The following FKBP2 variants were observed in gnomAD, a reference collection of about 807,000 sequenced individuals.
FKBP2 encodes FKBP prolyl isomerase 2.
Under a neutral mutation model 19.4 loss-of-function variants are expected in FKBP2, and 15 were observed. The observed-to-expected ratio is 0.77, with a 90% confidence interval of 0.52 to 1.19. The LOEUF is 1.19. Ranked by LOEUF, FKBP2 falls within the 50% of genes most tolerant of loss-of-function variation. The pLI is 0.00. For synonymous variants in FKBP2, 76 were observed against 74.8 expected (o/e 1.02, Z -0.08); for missense variants, 170 against 179.0 (o/e 0.95, Z 0.29).
chr11:64,243,201 G>A lies in FKBP2; in HGVS notation c.174G>A (p.Gly58=). 1 of 1,613,630 alleles carries A rather than the reference G, an allele frequency of 6.2e-7. No homozygotes were observed. The highest frequency in any genetic ancestry group is 8.5e-7 in the Non-Finnish European group (1 of 1,179,928). ...KGDVLHMHYT[G]KLEDGTEFDS... ...CTGGCCTTCTCATGGTTCCACAGGG[G>A]AAGCTGGAAGATGGGACAGAGTTTG... The change falls in exon 3 of 6, where the codon GGG becomes GGA. Residue 58 remains glycine, a splice_region_variant and synonymous_variant. Coordinates refer to ENST00000309366, the MANE Select transcript of FKBP2 (RefSeq NM_004470.4).
chr11:64,243,268 G>C lies in FKBP2; in HGVS notation c.241G>C (p.Gly81Arg). The C allele has an allele frequency of 6.2e-7, 1 of 1,612,082 alleles. No homozygotes were observed. Among genetic ancestry groups the C allele is most frequent in the Non-Finnish European group, 8.5e-7 (1 of 1,178,968 alleles). Residue 81 changes from glycine to arginine, a missense_variant, in exon 3 of 6, where the codon GGC becomes CGC. Transcript: ENST00000309366. ...PQNQPFVFSL[G>R]TGQVIKGWDQ... ...GAACCAGCCCTTTGTCTTCTCCCTT[G>C]GCACAGGCCAGGTCATCAAGGGCTG...
rs755478218 is a variant in FKBP2 at position 64,243,988 on chromosome 11, G to A, written c.388G>A (p.Glu130Lys). 2 of 1,614,064 alleles carry A rather than the reference G, an allele frequency of 1.2e-6. No individual in the cohort carries two copies. The highest frequency in any genetic ancestry group is 1.7e-6 in the Non-Finnish European group (2 of 1,180,000). The change falls in exon 6 of 6, where the codon GAG becomes AAG. Residue 130 changes from glutamate to lysine, a missense_variant. Transcript: ENST00000309366. ...TACAGGTGGTGCAACCCTGGTGTTC[G>A]AGGTGGAGCTGCTCAAAATAGAGCG... ...KIPGGATLVF[E>K]VELLKIERRT...
At chr11:64,242,663 G>A in intron 2 of FKBP2, 105 bp downstream of exon 2, 1 of 1,243,598 alleles carries the variant, frequency 8.0e-7, no homozygotes, top group Non-Finnish European at 1.1e-6. Context: ...CCTTGGGCAA[G>A]TCCCCTCTCG....
chr11:64,242,144 G>T, intron 1 of FKBP2: 1 of 456,488 alleles, frequency 2.2e-6, no homozygotes, highest in Non-Finnish European at 3.9e-6. Flanking sequence ...GTCCCTGGCT[G>T]CTGTGGCCTC....
chr11:64,243,166 C>T, intron 2 of FKBP2, 33 bp from the exon 3 acceptor site: 1 of 1,602,128 alleles, frequency 6.2e-7, no homozygotes, highest in Non-Finnish European at 8.5e-7. Context: ...GGGTGGTCCC[C>T]TCTTCCTCAC....
rs779595679 is a variant in FKBP2, at chr11:64,244,008, A to G, written c.408A>G (p.Ile136Met). Residue 136 changes from isoleucine (I) to methionine (M), a missense_variant, in exon 6 of 6, where the codon ATA (isoleucine) becomes ATG (methionine). Ile to Met is a conservative substitution (Grantham distance 10). Transcript: ENST00000309366. ...TLVFEVELLK[I>M]ERRTEL ...TGTTCGAGGTGGAGCTGCTCAAAAT[A>G]GAGCGACGAACTGAGCTGTAACCAG... is the stretch of plus-strand genomic sequence containing the variant. 6.2e-7 allele frequency: 1 copy of G among 1,614,038 alleles called. No homozygotes were observed. The highest frequency in any genetic ancestry group is 8.5e-7 in the Non-Finnish European group (1 of 1,179,982).
At chr11:64,243,332 C>T (rs1261962847) in intron 3 of FKBP2, 21 bp downstream of exon 3, 2 of 1,598,676 alleles carry the variant, frequency 1.3e-6, no homozygotes, top group Middle Eastern at 1.7e-4. Flanking sequence ...GGGGAATGGG[C>T]TTGGGAGTGG....
chr11:64,242,602 G>A (rs950347155), intron 2 of FKBP2, 44 bp downstream of exon 2: 2 of 1,513,434 alleles, frequency 1.3e-6, no homozygotes, highest in South Asian at 1.3e-5. Context: ...TGGGGCTTCC[G>A]AGGACCAGAG....
intron 1 of FKBP2, 179 bp downstream of exon 1, chr11:64,241,311 G>A (rs2030467784): frequency 6.6e-6 from 1 of 152,290 alleles, no homozygotes; most frequent in Non-Finnish European, 1.5e-5. Context: ...CACGCCGCAC[G>A]GGGCGGAGTC....
intron 3 of FKBP2, 44 bp from the exon 4 acceptor site, chr11:64,243,407 G>T (rs1400713499): frequency 6.2e-7 from 1 of 1,612,584 alleles, no homozygotes; most frequent in African/African-American, 1.3e-5. Flanking sequence ...TACAAGACAA[G>T]GGCCCTGGGT....
At chr11:64,242,979 G>A (rs974554696) in intron 2 of FKBP2, among the ~76,000 whole-genome samples, 1 of 152,236 alleles carries the variant, frequency 6.6e-6, no homozygotes, top group Non-Finnish European at 1.5e-5. Flanking sequence ...GGCTGAGGTG[G>A]AAGAATTGCT....
intron 2 of FKBP2, 66 bp from the exon 3 acceptor site, chr11:64,243,132 AG>A: frequency 2.1e-6 from 3 of 1,437,046 alleles, no homozygotes; most frequent in Non-Finnish European, 2.9e-6. Flanking sequence ...TGATGGGGAA[AG>A]CAGCTGAGGG....
At chr11:64,243,532 TG>T in intron 4 of FKBP2, 35 bp downstream of exon 4, 2 of 1,611,786 alleles carry the variant, frequency 1.2e-6, no homozygotes, top group South Asian at 2.2e-5. Context: ...AGAGCGAGTT[TG>T]GGGTGTGTGA....
At chr11:64,243,521 C>A in intron 4 of FKBP2, 24 bp downstream of exon 4, 1 of 1,612,912 alleles carries the variant, frequency 6.2e-7, no homozygotes, top group South Asian at 1.1e-5. Flanking sequence ...CCTGAGGGTG[C>A]AGAGCGAGTT....
chr11:64,242,265 G>A (rs2030556910), intron 1 of FKBP2, 119 bp from the exon 2 acceptor site: 1 of 1,024,780 alleles, frequency 9.8e-7, no homozygotes, highest in Non-Finnish European at 1.3e-6. Flanking sequence ...GGGACAAAGG[G>A]GATCCCCCGG....
In FKBP2 at chr11:64,243,822, C is replaced by A. The variant is rs1337777341; in HGVS notation, c.332-19C>A. On this transcript the variant is annotated intron_variant, in intron 4 of 5. Coordinates refer to ENST00000309366, the MANE Select transcript of FKBP2 (RefSeq NM_004470.4). ...GGAGCTTGGCCATCACTGACTGTTT[C>A]TTTGTGCATCTTCAACAGGGTATGG... The A allele has an allele frequency of 6.2e-7, 1 of 1,613,998 alleles. No homozygotes were observed.
intron 5 of FKBP2, 27 bp downstream of exon 5, chr11:64,243,903 C>T: frequency 6.2e-7 from 1 of 1,614,082 alleles, no homozygotes; most frequent in Non-Finnish European, 8.5e-7. Context: ...TACCTCCCAT[C>T]ACCTGCAGCC....
In FKBP2 at chr11:64,242,469, A is replaced by G. The variant is rs149388471; in HGVS notation, c.82A>G (p.Lys28Glu). Residue 28 changes from lysine (K) to glutamate (E), a missense_variant, in exon 2 of 6, where the codon AAA becomes GAA. Coordinates refer to ENST00000309366, the MANE Select transcript of FKBP2 (RefSeq NM_004470.4). Reference sequence around the variant, plus strand: ...GGCCACGGCCACGGGGGCCGAGGGCAAAAGGAAGCTGCAGATCGGGGTCAA... The same window carrying G: ...GGCCACGGCCACGGGGGCCGAGGGCGAAAGGAAGCTGCAGATCGGGGTCAA... ...AVATATGAEG[K>E]RKLQIGVKKR... 5.8e-5 allele frequency: 90 copies of G among 1,550,214 alleles called. No homozygotes were observed. The African/African-American group carries it at 1.1e-3, about 18-fold the overall frequency.
In FKBP2 at chr11:64,243,180, C is replaced by T; in HGVS notation, c.172-19C>T. 1 of 1,610,572 alleles carries T rather than the reference C, an allele frequency of 6.2e-7. No homozygotes were observed. On this transcript the variant is annotated intron_variant, in intron 2 of 5. Transcript: ENST00000309366. ...GGGGTGGTCCCCTCTTCCTCACTGG[C>T]CTTCTCATGGTTCCACAGGGGAAGC...
Sources: allele counts gnomAD v4.1 joint callset (sites outside exome capture counted in the v4.1 genomes callset), GRCh38; gene constraint gnomAD v4.1.1; transcripts MANE v1.5; gene names NCBI Gene and HGNC (gene_info 2026-07-23, HGNC 2026-07-21).